CAST: variants seen among roughly 807,000 people sequenced by gnomAD.
The protein encoded by CAST is MIR583 host.
Under a neutral mutation model 119.6 loss-of-function variants are expected in CAST, and 76 were observed. That is an observed-to-expected ratio of 0.64 (90% CI 0.53 to 0.77). The LOEUF is 0.77. Among genes scored for constraint, CAST ranks in the 30% least tolerant of loss-of-function variants. The probability of loss-of-function intolerance (pLI) is 0.00; values close to 1 mark genes in which losing one functional copy is unlikely to be tolerated. For missense variants in CAST, 953 were observed against 946.5 expected (o/e 1.01, Z -0.09); for synonymous variants, 319 against 331.6 (o/e 0.96, Z 0.41).
chr5:96,210,393 A>C, the CAST span, among the ~76,000 whole-genome samples: 2 of 151,880 alleles, frequency 1.3e-5, no homozygotes, highest in African/African-American at 4.8e-5. Flanking sequence ...GTTCATATTT[A>C]TTTATTTTCC....
At chr5:96,768,138 C>A in intron 29 of CAST, 139 bp downstream of exon 29, 1 of 686,542 alleles carries the variant, frequency 1.5e-6, no homozygotes. Context: ...GGCTGGAGTG[C>A]AGTGGTGTGA....
At chr5:96,440,843 A>G in the CAST span, among the ~76,000 whole-genome samples, 2 of 152,328 alleles carry the variant, frequency 1.3e-5, no homozygotes, top group African/African-American at 4.8e-5. Flanking sequence ...TTTTATTTGC[A>G]AAGCTAGTTA....
chr5:96,753,810 TG>T lies in CAST; in HGVS notation c.1525-247del, dbSNP rs529600041. Reference sequence around the variant, plus strand: ...GTCTTTCTTATTTCTAAACCAACTCTGGGTCAGGTCTCGTAAGTTTCACATT... The same window carrying T: ...GTCTTTCTTATTTCTAAACCAACTCTGGTCAGGTCTCGTAAGTTTCACATT... On this transcript the variant is annotated intron_variant, in intron 20 of 31. Coordinates refer to ENST00000675179, the MANE Select transcript of CAST (RefSeq NM_001750.7). Among the ~76,000 whole-genome samples the T allele has an allele frequency of 1.3e-4, 20 of 152,336 alleles. No individual in the cohort carries two copies. The South Asian group carries it at 2.7e-3, about 20-fold the overall frequency.
At chr5:95,970,198 T>C in the CAST span, 1 of 152,228 alleles carries the variant, frequency 6.6e-6, no homozygotes, top group Non-Finnish European at 1.5e-5. Context: ...TGCACACCCA[T>C]CGTGATGTGT....
At chr5:96,127,606 G>A in the CAST span, among the ~76,000 whole-genome samples, 8 of 151,950 alleles carry the variant, frequency 5.3e-5, no homozygotes, top group African/African-American at 1.9e-4. Context: ...TCTTTCTACA[G>A]AATATTAAAT....
the CAST span, among the ~76,000 whole-genome samples, chr5:96,310,457 A>C: frequency 1.2e-4 from 19 of 152,178 alleles, no homozygotes; most frequent in African/African-American, 4.6e-4. Flanking sequence ...AATAGGTCTG[A>C]AAATATTCCT....
intron 1 of CAST, among the ~76,000 whole-genome samples, chr5:96,570,134 G>A (rs903860585): frequency 6.6e-6 from 1 of 152,226 alleles, no homozygotes; most frequent in African/African-American, 2.4e-5. Flanking sequence ...TTATGAACTT[G>A]TCTGTCTGCC....
At chr5:96,578,028 G>T (rs1412046516) in intron 1 of CAST, among the ~76,000 whole-genome samples, 1 of 152,042 alleles carries the variant, frequency 6.6e-6, no homozygotes, top group Non-Finnish European at 1.5e-5. Context: ...CTGAGAGAAG[G>T]GTATGGAAGT....
At chr5:96,308,215 C>T in the CAST span, among the ~76,000 whole-genome samples, 1 of 151,754 alleles carries the variant, frequency 6.6e-6, no homozygotes, top group Non-Finnish European at 1.5e-5. Context: ...TCTTCAATCT[C>T]TGATAGCCTT....
At position 96,763,300 on chromosome 5, in the gene CAST, A is replaced by G; in HGVS notation, c.1932+928A>G. ...GGGCAGCTCTACCATTAGCAGCTAT[A>G]ATCCTGGATTATAATAAAGCACTTA... is the stretch of plus-strand genomic sequence containing the variant. On this transcript the variant is annotated intron_variant, in intron 25 of 31. Coordinates refer to ENST00000675179, the MANE Select transcript of CAST (RefSeq NM_001750.7). The G allele has an allele frequency of 3.8e-6, 3 of 779,672 alleles. No homozygotes were observed. In the Admixed American group the frequency reaches 5.1e-5, roughly 13 times the overall value. 48.3% of individuals were successfully genotyped at this position (779,672 alleles called of 1,614,324 possible). A position where few individuals can be genotyped will look rare whatever the true frequency, so the allele number is the denominator to read the frequency against.
chr5:96,209,905 T>C, the CAST span, among the ~76,000 whole-genome samples: 1 of 151,906 alleles, frequency 6.6e-6, no homozygotes, highest in Non-Finnish European at 1.5e-5. Context: ...TTTTCATGGA[T>C]GATATACTCA....
At chr5:96,664,003 C>T (rs927183458) in intron 1 of CAST, among the ~76,000 whole-genome samples, 12 of 150,578 alleles carry the variant, frequency 8.0e-5, no homozygotes, top group Non-Finnish European at 1.5e-4. Flanking sequence ...ATGTTTATGT[C>T]TCATTGATTT....
chr5:96,662,258 C>T (rs1042818121), upstream of CAST: 41 of 853,618 alleles, frequency 4.8e-5, no homozygotes, highest in Non-Finnish European at 6.6e-5. Context: ...GCTAGGGGAA[C>T]CCCGGCGCAG....
the CAST span, among the ~76,000 whole-genome samples, chr5:96,055,403 A>G: frequency 1.3e-5 from 2 of 152,188 alleles, no homozygotes; most frequent in African/African-American, 4.8e-5. Flanking sequence ...TCCAAAATAA[A>G]TGTTACTAGA....
chr5:96,173,601 G>A, the CAST span, among the ~76,000 whole-genome samples: 4 of 152,116 alleles, frequency 2.6e-5, no homozygotes, highest in Non-Finnish European at 4.4e-5. Context: ...TAACTATTTG[G>A]TACATGTGGT....
chr5:96,749,134 A>T (rs946239528), intron 19 of CAST, among the ~76,000 whole-genome samples: 2 of 152,096 alleles, frequency 1.3e-5, no homozygotes, highest in African/African-American at 4.8e-5. Flanking sequence ...GGCTTTTCTC[A>T]CTTGGTTCCT....
the CAST span, among the ~76,000 whole-genome samples, chr5:96,509,615 G>A: frequency 6.6e-6 from 1 of 152,300 alleles, no homozygotes; most frequent in South Asian, 2.1e-4. Context: ...AACCTGGATT[G>A]GCTATGGGAA....
chr5:96,320,575 C>T, the CAST span, among the ~76,000 whole-genome samples: 2 of 152,018 alleles, frequency 1.3e-5, no homozygotes, highest in African/African-American at 4.8e-5. Flanking sequence ...CACTGGGGCT[C>T]CTGGATTAAA....
intron 13 of CAST, chr5:96,741,034 A>T: frequency 1.7e-6 from 1 of 594,918 alleles, no homozygotes; most frequent in African/African-American, 1.9e-5. Flanking sequence ...ATGCATGTTC[A>T]TAATAATAGA....
Sources: allele counts gnomAD v4.1 joint callset (sites outside exome capture counted in the v4.1 genomes callset), GRCh38; gene constraint gnomAD v4.1.1; transcripts MANE v1.5; gene names NCBI Gene and HGNC (gene_info 2026-07-23, HGNC 2026-07-21).